AS3MT: variants seen among roughly 807,000 people sequenced by gnomAD.
The protein encoded by AS3MT is arsenite methyltransferase.
Under a neutral mutation model 45.3 loss-of-function variants are expected in AS3MT, and 47 were observed. The ratio of observed to expected loss-of-function variants is 1.04; its 90% CI spans 0.82 to 1.32. AS3MT has a LOEUF of 1.32. Among genes scored for constraint, AS3MT ranks in the 40% most tolerant of loss-of-function variants. AS3MT has a pLI of 0.00. For missense variants in AS3MT, 396 were observed against 451.1 expected, an observed-to-expected ratio of 0.88 and a Z score of 1.11; for synonymous variants, 141 against 152.8, an observed-to-expected ratio of 0.92 and a Z score of 0.57.
chr10:102,870,073 C>A lies in AS3MT; in HGVS notation c.43-11C>A, dbSNP rs1339157180. On this transcript the variant is annotated splice_polypyrimidine_tract_variant and intron_variant, in intron 2 of 10. Transcript: ENST00000369880. ...CTCTACCCCTCACTCCACTGTGGGACGCTGGGTCAGACCTACTACGGGCAG... is the reference window on the plus strand; with the variant it reads ...CTCTACCCCTCACTCCACTGTGGGAAGCTGGGTCAGACCTACTACGGGCAG... 1 of 1,613,438 alleles carries A rather than the reference C, an allele frequency of 6.2e-7. No individual in the cohort carries two copies. Among genetic ancestry groups the A allele is most frequent in the South Asian group, 1.1e-5 (1 of 91,060 alleles).
chr10:102,873,126 T>C lies in AS3MT; in HGVS notation c.351T>C (p.Tyr117=). ...QVEVAEKYLD[Y]HMEKYGFQAS... The stretch of plus-strand genomic sequence containing the variant: ...AAGTGGCTGAAAAGTATCTTGACTA[T>C]CACATGGAAAAATATGGCTTCCAGG... The change falls in exon 5 of 11, where the codon TAT becomes TAC. Residue 117 remains tyrosine (Y), a synonymous_variant. Transcript: ENST00000369880. 1 of 1,602,472 alleles carries C rather than the reference T, an allele frequency of 6.2e-7. No homozygotes were observed. Among genetic ancestry groups the C allele is most frequent in the Non-Finnish European group, 8.5e-7 (1 of 1,177,072 alleles).
At chr10:102,888,096 CA>C in intron 9 of AS3MT, 1 of 165,738 alleles carries the variant, frequency 6.0e-6, no homozygotes, top group Non-Finnish European at 1.3e-5. Flanking sequence ...TCCTCTCTTG[CA>C]AAAACTGCTC....
chr10:102,898,528 T>C (rs981749417), intron 10 of AS3MT, among the ~76,000 whole-genome samples: 6 of 152,084 alleles, frequency 3.9e-5, no homozygotes, highest in South Asian at 2.1e-4. Flanking sequence ...AGGCAGAGGT[T>C]GCAGTGAGCC....
chr10:102,873,013 A>G, intron 4 of AS3MT, 84 bp from the exon 5 acceptor site: 2 of 1,149,272 alleles, frequency 1.7e-6, no homozygotes, highest in Non-Finnish European at 2.5e-6. Flanking sequence ...GGGGAAGTAT[A>G]TTCTGTTAGT....
At chr10:102,871,774 G>T (rs1018442813) in intron 3 of AS3MT, among the ~76,000 whole-genome samples, 4 of 148,450 alleles carry the variant, frequency 2.7e-5, no homozygotes, top group African/African-American at 5.0e-5. Flanking sequence ...AACAAAAAAC[G>T]CCTATGGGAC....
intron 9 of AS3MT, among the ~76,000 whole-genome samples, chr10:102,885,946 C>A (rs1022701340): frequency 6.6e-6 from 1 of 152,050 alleles, no homozygotes. Flanking sequence ...GGATTACAGG[C>A]TTGGGCCACC....
chr10:102,877,862 C>T (rs575018894), intron 7 of AS3MT, among the ~76,000 whole-genome samples: 49 of 149,170 alleles, frequency 3.3e-4, no homozygotes, highest in African/African-American at 1.2e-3. Context: ...AAGTGATTCT[C>T]CTGCCTCAGC....
intron 9 of AS3MT, among the ~76,000 whole-genome samples, chr10:102,888,875 A>ATTTTTT (rs1448414240): frequency 2.7e-4 from 19 of 70,024 alleles, no homozygotes; most frequent in African/African-American, 7.5e-4. Context: ...ATATATATAT[A>ATTTTTT]TATATATTTT....
chr10:102,889,682 C>T (rs1590227849), intron 9 of AS3MT, among the ~76,000 whole-genome samples: 1 of 141,036 alleles, frequency 7.1e-6, no homozygotes, highest in African/African-American at 2.6e-5. Flanking sequence ...CCTCCACCCC[C>T]CCCGCCCCTT....
chr10:102,892,853 G>A (rs1202475204), intron 10 of AS3MT, among the ~76,000 whole-genome samples: 3 of 151,804 alleles, frequency 2.0e-5, no homozygotes, highest in Non-Finnish European at 4.4e-5. Flanking sequence ...GGTGGCGTGC[G>A]CCTGTAGTCC....
At chr10:102,872,136 T>C (rs192305703) in intron 3 of AS3MT, among the ~76,000 whole-genome samples, 1 of 152,302 alleles carries the variant, frequency 6.6e-6, no homozygotes, top group East Asian at 1.9e-4. Flanking sequence ...CCGCCTGCCT[T>C]GACCTCCCAA....
intron 9 of AS3MT, among the ~76,000 whole-genome samples, chr10:102,879,920 T>C (rs1400913338): frequency 6.6e-6 from 1 of 152,030 alleles, no homozygotes; most frequent in African/African-American, 2.4e-5. Flanking sequence ...ATTTATTTGC[T>C]GAGCCATTGA....
chr10:102,873,322 C>A (rs1476061144), intron 5 of AS3MT, 89 bp downstream of exon 5: 5 of 1,105,052 alleles, frequency 4.5e-6, no homozygotes, highest in East Asian at 3.2e-5. Context: ...GCTCTGTCAC[C>A]CAGGCCAGAG....
rs777235719 is a variant in AS3MT, at chr10:102,900,606, A to G, written c.1034A>G (p.Asp345Gly). ...SALELKDIIT[D>G]PFKLAEESDS... ...GCCTTTTGACAGGATATAATCACAG[A>G]TCCATTTAAGCTTGCAGAAGAGTCT... Residue 345 changes from aspartate (D) to glycine (G), a missense_variant, in exon 11 of 11, where the codon GAT (aspartate) becomes GGT (glycine). Coordinates refer to ENST00000369880, the MANE Select transcript of AS3MT (RefSeq NM_020682.4). The G allele has an allele frequency of 7.4e-6, 12 of 1,613,636 alleles. No individual in the cohort carries two copies. In the Admixed American group the frequency reaches 1.5e-4, roughly 20 times the overall value.
intron 5 of AS3MT, 71 bp from the exon 6 acceptor site, chr10:102,874,521 G>T (rs1311042645): frequency 8.8e-7 from 1 of 1,138,046 alleles, no homozygotes; most frequent in Non-Finnish European, 1.3e-6. Flanking sequence ...ACCACCTTTA[G>T]GGTCTGAAAG....
intron 10 of AS3MT, among the ~76,000 whole-genome samples, chr10:102,892,943 G>A (rs1845096759): frequency 6.6e-6 from 1 of 151,148 alleles, no homozygotes; most frequent in Non-Finnish European, 1.5e-5. Context: ...TTGAGATGGC[G>A]CCACTGCACT....
intron 10 of AS3MT, among the ~76,000 whole-genome samples, chr10:102,899,698 C>T (rs1365658679): frequency 1.4e-5 from 2 of 144,580 alleles, no homozygotes; most frequent in East Asian, 2.0e-4. Flanking sequence ...GATGGAGTCT[C>T]GCTCTGTCAC....
chr10:102,890,632 G>C lies in AS3MT; in HGVS notation c.974G>C (p.Gly325Ala). 1 of 1,613,614 alleles carries C rather than the reference G, an allele frequency of 6.2e-7. No homozygotes were observed. The change falls in exon 10 of 11, where the codon GGA (glycine) becomes GCA (alanine). Residue 325 changes from glycine to alanine, a missense_variant. Physicochemically the swap from Gly to Ala is moderately conservative, Grantham distance 60. Transcript: ENST00000369880. Reference protein sequence around the residue: ...FAQDFLIRPIGEKLPTSGGCS... With the variant: ...FAQDFLIRPIAEKLPTSGGCS... The stretch of plus-strand genomic sequence containing the variant: ...CAAGATTTTCTGATCAGACCAATTG[G>C]AGAGAAGTTGCCAACATCTGGAGGC...
chr10:102,889,614 G>GCCTGCCTGCCTGCCTTCCTTCCTT lies in AS3MT; in HGVS notation c.886-927_886-926insGCCTGCCTGCCTTCCTTCCTTCCT, dbSNP rs559139049. ...CTTCCCTTCCCCTGCCTGTCTGCCT[G>GCCTGCCTGCCTGCCTTCCTTCCTT]CCTTCCTTCCTTCCTTCCTTCCTTC... On this transcript the variant is annotated intron_variant, in intron 9 of 10. Coordinates refer to ENST00000369880, the MANE Select transcript of AS3MT (RefSeq NM_020682.4). Among the ~76,000 whole-genome samples, 52 of 114,046 alleles carry GCCTGCCTGCCTGCCTTCCTTCCTT rather than the reference G, an allele frequency of 4.6e-4. 1 individual carries two copies. The South Asian group carries it at 6.5e-3, about 14-fold the overall frequency. 74.8% of individuals were successfully genotyped at this position (114,046 alleles called of 152,430 possible).
Sources: gnomAD v4.1 joint callset for allele counts (sites outside exome capture counted in the v4.1 genomes callset) on GRCh38, gnomAD v4.1.1 for gene constraint, MANE v1.5 for transcripts, NCBI Gene and HGNC (gene_info 2026-07-23, HGNC 2026-07-21) for gene names.